The following FOXP2 variants were observed in gnomAD, a reference collection of about 807,000 sequenced individuals.
FOXP2 encodes forkhead box P2.
In FOXP2, 12 loss-of-function variants were observed where a neutral mutation model predicts 115.8. The observed-to-expected ratio is 0.10, with a 90% CI of 0.07 to 0.17. The LOEUF is 0.17. Ranked by LOEUF, FOXP2 falls within the 10% of genes least tolerant of loss-of-function variation. FOXP2 has a pLI of 1.00. For synonymous variants in FOXP2, 328 were observed against 297.7 expected (o/e 1.10, Z -1.05); for missense variants, 629 against 843.5 (o/e 0.75, Z 3.15).
chr7:114,391,800 CA>C (rs1792609180), intron 2 of FOXP2, among the ~76,000 whole-genome samples: 1 of 152,186 alleles, frequency 6.6e-6, no homozygotes, highest in East Asian at 1.9e-4. Flanking sequence ...CAAATGTCCA[CA>C]TGAACATGGT....
chr7:114,094,776 C>T (rs1476938851), intron 1 of FOXP2, among the ~76,000 whole-genome samples: 2 of 152,164 alleles, frequency 1.3e-5, no homozygotes, highest in African/African-American at 4.8e-5. Flanking sequence ...ATCCTCTCCC[C>T]TCAGCCTCTG....
intron 10 of FOXP2, among the ~76,000 whole-genome samples, chr7:114,657,096 G>A (rs1185855607): frequency 6.6e-6 from 1 of 152,054 alleles, no homozygotes; most frequent in East Asian, 1.9e-4. Flanking sequence ...TTAAATGTAT[G>A]GCAGAAATCT....
At position 114,657,461 on chromosome 7, in the gene FOXP2, A is replaced by C. The variant is rs368136202; in HGVS notation, c.1267-605A>C. Reference sequence around the variant, plus strand: ...TTCCATTTCCCTCTCTCCATCTCCAATCAGATTTAATTTGAAAATTTTCAG... The same window carrying C: ...TTCCATTTCCCTCTCTCCATCTCCACTCAGATTTAATTTGAAAATTTTCAG... On this transcript the variant is annotated intron_variant, in intron 10 of 16. Coordinates refer to ENST00000350908, the MANE Select transcript of FOXP2 (RefSeq NM_014491.4). 3.9e-5 allele frequency among the ~76,000 whole-genome samples: 6 copies of C among 152,274 alleles called. No homozygotes were observed. In the East Asian group the frequency reaches 7.7e-4, roughly 20 times the overall value.
At chr7:114,280,369 T>C (rs1013339139) in intron 1 of FOXP2, among the ~76,000 whole-genome samples, 7 of 152,112 alleles carry the variant, frequency 4.6e-5, no homozygotes, top group African/African-American at 1.7e-4. Flanking sequence ...TTAGTGACAG[T>C]GTCAAGAGCA....
intron 1 of FOXP2, among the ~76,000 whole-genome samples, chr7:114,196,363 CTA>C (rs1424892185): frequency 1.3e-5 from 2 of 152,220 alleles, no homozygotes; most frequent in East Asian, 1.9e-4. Flanking sequence ...CCTTGTTTTT[CTA>C]TGTTAATTAA....
chr7:114,610,074 A>G (rs1439962126), intron 3 of FOXP2, among the ~76,000 whole-genome samples: 1 of 152,222 alleles, frequency 6.6e-6, no homozygotes. Context: ...GAAAGAAGTG[A>G]CATGATTGGT....
chr7:114,118,166 A>G (rs1358528148), intron 1 of FOXP2, among the ~76,000 whole-genome samples: 1 of 152,104 alleles, frequency 6.6e-6, no homozygotes, highest in Non-Finnish European at 1.5e-5. Context: ...AATATTTTGT[A>G]ACATTTATGA....
At chr7:114,518,269 A>T (rs1212282639) in intron 2 of FOXP2, among the ~76,000 whole-genome samples, 1 of 152,202 alleles carries the variant, frequency 6.6e-6, no homozygotes, top group Non-Finnish European at 1.5e-5. Context: ...AACACCGCAC[A>T]GTATTTGTAA....
chr7:114,537,570 CAG>C (rs1235988567), intron 3 of FOXP2, among the ~76,000 whole-genome samples: 1 of 151,520 alleles, frequency 6.6e-6, no homozygotes, highest in Non-Finnish European at 1.5e-5. Flanking sequence ...TGACATGGTA[CAG>C]AGTCTATTTT....
chr7:114,658,667 A>G (rs1279556477), intron 11 of FOXP2, among the ~76,000 whole-genome samples: 1 of 152,212 alleles, frequency 6.6e-6, no homozygotes, highest in Non-Finnish European at 1.5e-5. Flanking sequence ...GTTTACATGA[A>G]TCAGTCTTTA....
chr7:114,387,794 AAATT>A (rs1304475540), intron 2 of FOXP2, among the ~76,000 whole-genome samples: 3 of 152,184 alleles, frequency 2.0e-5, no homozygotes, highest in African/African-American at 4.8e-5. Context: ...TAGACAAGGT[AAATT>A]AATTAATTTA....
At chr7:114,653,111 C>T (rs965387361) in intron 9 of FOXP2, among the ~76,000 whole-genome samples, 17 of 151,952 alleles carry the variant, frequency 1.1e-4, no homozygotes, top group African/African-American at 3.6e-4. Context: ...GTTTCAAATT[C>T]GTGTCATTGC....
chr7:114,180,139 T>C (rs570786463), intron 1 of FOXP2, among the ~76,000 whole-genome samples: 6 of 152,116 alleles, frequency 3.9e-5, no homozygotes, highest in African/African-American at 1.4e-4. Context: ...GTGGATATAA[T>C]TGCATGTGTT....
intron 1 of FOXP2, among the ~76,000 whole-genome samples, chr7:114,271,436 T>A (rs1241293615): frequency 1.4e-5 from 2 of 143,664 alleles, no homozygotes; most frequent in Non-Finnish European, 3.0e-5. Flanking sequence ...CTTTATCAAG[T>A]TAAGGAAGTT....
chr7:114,426,735 T>C, intron 2 of FOXP2, 56 bp downstream of exon 2: 1 of 1,557,860 alleles, frequency 6.4e-7, no homozygotes, highest in Admixed American at 1.7e-5. Context: ...TTTTATTGAA[T>C]ATGAAAAATG....
At chr7:114,198,772 A>G (rs879292412) in intron 1 of FOXP2, among the ~76,000 whole-genome samples, 13 of 152,174 alleles carry the variant, frequency 8.5e-5, no homozygotes, top group Non-Finnish European at 1.9e-4. Flanking sequence ...TCAGAGAAAC[A>G]CAACCAACAG....
intron 16 of FOXP2, among the ~76,000 whole-genome samples, chr7:114,678,910 T>C (rs1483412115): frequency 6.6e-6 from 1 of 152,218 alleles, no homozygotes; most frequent in Non-Finnish European, 1.5e-5. Context: ...GTATTTTAAC[T>C]ATTTTATTGA....
Position 114,116,709 on chromosome 7 carries a change from TG to T in FOXP2, c.-247+28874del, listed in dbSNP as rs143295192. Among the ~76,000 whole-genome samples, 1,032 of 152,214 alleles carry T rather than the reference TG, an allele frequency of 6.8e-3. 9 individuals carry two copies. The highest frequency in any genetic ancestry group is 0.024 in the African/African-American group (990 of 41,534). ...TGAAATAAGTTAATAGTAAACTATA[TG>T]GGATTAAAAACGTAAAATGGGTTGG... On this transcript the variant is annotated intron_variant, in intron 1 of 19. Coordinates refer to the FOXP2 transcript ENST00000635638.
At chr7:114,592,694 T>A (rs892696223) in intron 3 of FOXP2, among the ~76,000 whole-genome samples, 1 of 152,082 alleles carries the variant, frequency 6.6e-6, no homozygotes, top group African/African-American at 2.4e-5. Flanking sequence ...AAGGATATAT[T>A]GTTTTAGAAC....
Sources: allele counts gnomAD v4.1 joint callset (sites outside exome capture counted in the v4.1 genomes callset), GRCh38; gene constraint gnomAD v4.1.1; transcripts MANE v1.5; gene names NCBI Gene and HGNC (gene_info 2026-07-23, HGNC 2026-07-21).